TTC23: variants seen among roughly 807,000 people sequenced by gnomAD.
TTC23 encodes the protein tetratricopeptide repeat protein 23.
A neutral mutation model predicts 55.1 loss-of-function variants in TTC23; 58 were observed. The observed-to-expected ratio is 1.05, with a 90% CI of 0.85 to 1.31. TTC23 has a LOEUF of 1.31. TTC23 is among the 50% of genes most tolerant of loss of function. TTC23 has a pLI of 0.00. For missense variants in TTC23, 516 were observed against 534.4 expected (o/e 0.97, Z 0.34); for synonymous variants, 203 against 199.9 (o/e 1.02, Z -0.13).
At chr15:99,242,098 C>T (rs1173065981) in intron 2 of TTC23, among the ~76,000 whole-genome samples, 5 of 149,488 alleles carry the variant, frequency 3.3e-5, no homozygotes, top group African/African-American at 1.2e-4. Flanking sequence ...CACCACTGCA[C>T]TCCAGCCTGG....
Position 99,138,007 on chromosome 15 carries a change from G to T in TTC23, c.*3C>A. 6.2e-7 allele frequency: 1 copy of T among 1,614,092 alleles called. No homozygotes were observed. ...TGTCCTAGGCTTTTTCAGGGTGGGGGCCTCAGTCTGCTGTTGTGCCGGGCC... is the reference window on the plus strand; with the variant it reads ...TGTCCTAGGCTTTTTCAGGGTGGGGTCCTCAGTCTGCTGTTGTGCCGGGCC... On this transcript the variant is annotated 3_prime_UTR_variant, in exon 14 of 14. Coordinates refer to ENST00000394132, the MANE Select transcript of TTC23 (RefSeq NM_001288615.3).
chr15:99,225,123 C>T (rs978623698), intron 5 of TTC23, among the ~76,000 whole-genome samples: 4 of 152,182 alleles, frequency 2.6e-5, no homozygotes, highest in African/African-American at 9.7e-5. Context: ...GAGGACGGTG[C>T]AGGCTGAGTT....
At chr15:99,194,421 C>G (rs1043144573) in intron 9 of TTC23, among the ~76,000 whole-genome samples, 1 of 151,938 alleles carries the variant, frequency 6.6e-6, no homozygotes, top group Non-Finnish European at 1.5e-5. Flanking sequence ...GATCATGGAA[C>G]AGAATAGAGA....
intron 9 of TTC23, among the ~76,000 whole-genome samples, chr15:99,178,312 C>G (rs2073795629): frequency 6.6e-6 from 1 of 152,186 alleles, no homozygotes; most frequent in African/African-American, 2.4e-5. Context: ...TTATTCACTT[C>G]AGAAACTCAA....
chr15:99,199,015 G>C (rs2075975606), intron 9 of TTC23, among the ~76,000 whole-genome samples: 1 of 152,206 alleles, frequency 6.6e-6, no homozygotes, highest in Non-Finnish European at 1.5e-5. Flanking sequence ...TATGGGGCCA[G>C]GTTGTCTGGT....
chr15:99,214,906 A>AG (rs2077350135), intron 8 of TTC23, among the ~76,000 whole-genome samples: 1 of 111,978 alleles, frequency 8.9e-6, no homozygotes, highest in African/African-American at 3.6e-5. Context: ...CCCAGGCTGG[A>AG]GTGCAATGGC....
chr15:99,168,046 A>C (rs949869414), intron 10 of TTC23, among the ~76,000 whole-genome samples: 2 of 152,206 alleles, frequency 1.3e-5, no homozygotes, highest in Non-Finnish European at 2.9e-5. Flanking sequence ...CTGAGAACAC[A>C]TAAAGCCCGG....
chr15:99,197,402 T>C (rs1186320823), intron 9 of TTC23, among the ~76,000 whole-genome samples: 1 of 152,064 alleles, frequency 6.6e-6, no homozygotes, highest in Non-Finnish European at 1.5e-5. Context: ...ACGCCCGGCC[T>C]GGTTTCTGTT....
chr15:99,169,612 G>C (rs751548611), intron 10 of TTC23, among the ~76,000 whole-genome samples: 6 of 152,158 alleles, frequency 3.9e-5, no homozygotes, highest in Non-Finnish European at 8.8e-5. Flanking sequence ...CCCAGCACTG[G>C]GCAAGCTGAA....
chr15:99,187,996 T>C (rs1365025621), intron 9 of TTC23, among the ~76,000 whole-genome samples: 2 of 152,098 alleles, frequency 1.3e-5, no homozygotes, highest in Admixed American at 1.3e-4. Flanking sequence ...TATAGCCTTA[T>C]ACCCAAGAGA....
chr15:99,182,246 T>TCACACACACA (rs757303435), intron 9 of TTC23, among the ~76,000 whole-genome samples: 37 of 112,818 alleles, frequency 3.3e-4, no homozygotes, highest in Admixed American at 1.2e-3. Context: ...TCTCTCTCTC[T>TCACACACACA]CTCACACACA....
At chr15:99,176,570 GC>G (rs2073582309) in intron 9 of TTC23, among the ~76,000 whole-genome samples, 1 of 151,880 alleles carries the variant, frequency 6.6e-6, no homozygotes, top group African/African-American at 2.4e-5. Context: ...TTATGATTAT[GC>G]CACTGCACTT....
chr15:99,169,007 T>G (rs1405716242), intron 10 of TTC23, among the ~76,000 whole-genome samples: 2 of 152,116 alleles, frequency 1.3e-5, no homozygotes, highest in Admixed American at 6.5e-5. Flanking sequence ...TACTCTAGGG[T>G]GACTTCCAGA....
Position 99,228,681 on chromosome 15 carries a change from T to C in TTC23, c.32A>G (p.Asn11Ser), listed in dbSNP as rs1314266328. The change falls in exon 5 of 14, where the codon AAC becomes AGC. Residue 11 changes from asparagine to serine, a missense_variant. Coordinates refer to ENST00000394132, the MANE Select transcript of TTC23 (RefSeq NM_001288615.3). ...AGCAGCAACAACTTCATCTAGGTGG[T>C]TGGATATGTGGGTTTCCTGTGATTC... is the stretch of plus-strand genomic sequence containing the variant. MQESQETHIS[N>S]HLDEVVAAVS... 6.2e-7 allele frequency: 1 copy of C among 1,612,184 alleles called. No individual in the cohort carries two copies. Among genetic ancestry groups the C allele is most frequent in the Non-Finnish European group, 8.5e-7 (1 of 1,179,004 alleles).
intron 5 of TTC23, among the ~76,000 whole-genome samples, chr15:99,227,225 T>C (rs1319262385): frequency 1.3e-5 from 2 of 152,206 alleles, no homozygotes; most frequent in African/African-American, 2.4e-5. Flanking sequence ...ATGAAGGTCA[T>C]GGACAAGTCT....
At chr15:99,187,157 A>C (rs981253991) in intron 9 of TTC23, among the ~76,000 whole-genome samples, 1 of 151,996 alleles carries the variant, frequency 6.6e-6, no homozygotes, top group African/African-American at 2.4e-5. Flanking sequence ...ATAAACCCTT[A>C]TATTTATGGC....
At chr15:99,198,511 C>T (rs1217984272) in intron 9 of TTC23, among the ~76,000 whole-genome samples, 1 of 152,204 alleles carries the variant, frequency 6.6e-6, no homozygotes, top group Non-Finnish European at 1.5e-5. Flanking sequence ...CAATAGCTTC[C>T]TAAGTGGTCT....
intron 9 of TTC23, among the ~76,000 whole-genome samples, chr15:99,195,659 T>C (rs2075633066): frequency 6.6e-6 from 1 of 152,154 alleles, no homozygotes; most frequent in Non-Finnish European, 1.5e-5. Context: ...AAATACATGA[T>C]GTTATAAGTT....
intron 11 of TTC23, 37 bp downstream of exon 11, chr15:99,161,703 G>A (rs1450911201): frequency 1.3e-6 from 2 of 1,594,728 alleles, no homozygotes; most frequent in African/African-American, 2.7e-5. Flanking sequence ...GATATCAACT[G>A]TGAATAACTA....
Sources: allele counts gnomAD v4.1 joint callset (sites outside exome capture counted in the v4.1 genomes callset), GRCh38; gene constraint gnomAD v4.1.1; transcripts MANE v1.5; gene names NCBI Gene and HGNC (gene_info 2026-07-23, HGNC 2026-07-21).